Variants in PEX14 observed in about 807,000 individuals in gnomAD.
PEX14 encodes peroxisomal membrane protein PEX14.
Under a neutral mutation model 49.5 loss-of-function variants are expected in PEX14, and 15 were observed. The observed-to-expected ratio is 0.30, with a 90% CI of 0.20 to 0.47. PEX14 has a LOEUF of 0.47. Among genes scored for constraint, PEX14 ranks in the 20% least tolerant of loss-of-function variants. The pLI is 1.00. For missense variants in PEX14, 398 were observed against 494.8 expected (o/e 0.80, Z 1.86); for synonymous variants, 210 against 212.7 (o/e 0.99, Z 0.11).
At chr1:10,581,119 C>T (rs1191682764) in intron 3 of PEX14, among the ~76,000 whole-genome samples, 1 of 151,952 alleles carries the variant, frequency 6.6e-6, no homozygotes, top group Admixed American at 6.6e-5. Flanking sequence ...AGGGTTCAAC[C>T]AGAGAAGCAG....
At chr1:10,537,323 TG>T (rs1031824642) in intron 3 of PEX14, among the ~76,000 whole-genome samples, 3 of 119,548 alleles carry the variant, frequency 2.5e-5, no homozygotes, top group African/African-American at 9.7e-5. Flanking sequence ...GGCTGCTCAC[TG>T]GCTGCATTGT....
At chr1:10,545,248 A>T (rs570947620) in intron 3 of PEX14, among the ~76,000 whole-genome samples, 1 of 152,056 alleles carries the variant, frequency 6.6e-6, no homozygotes, top group African/African-American at 2.4e-5. Context: ...GTTGATGGAC[A>T]TTTGGGTTGT....
At position 10,628,232 on chromosome 1, in the gene PEX14, C is replaced by G. The variant is rs1265430731; in HGVS notation, c.677+869C>G. ...ACAGGTGTGAGCCACTGTGCCTGGA[C>G]TGTTCTGGTTTTTTAAAACTGAAAG... On this transcript the variant is annotated intron_variant, in intron 8 of 8. Coordinates refer to ENST00000356607, the MANE Select transcript of PEX14 (RefSeq NM_004565.3). This position sits in a 1 kb window ranked among gnomAD's most constrained non-coding sequence, Gnocchi z 4.5. Among the ~76,000 whole-genome samples the G allele has an allele frequency of 6.6e-6, 1 of 152,246 alleles. No individual in the cohort carries two copies. Among genetic ancestry groups the G allele is most frequent in the Non-Finnish European group, 1.5e-5 (1 of 68,048 alleles).
chr1:10,583,196 G>A (rs1373770833), intron 3 of PEX14, among the ~76,000 whole-genome samples: 1 of 151,488 alleles, frequency 6.6e-6, no homozygotes, highest in Non-Finnish European at 1.5e-5. Flanking sequence ...TTACATATTG[G>A]GGTTTCCGTT....
Position 10,514,989 on chromosome 1 carries a change from C to T in PEX14, c.84+19668C>T, listed in dbSNP as rs544380288. ...GGGCAAATGCTTGCCACTCCCCTGC[C>T]GCCTGCCCCTGTGTAGGTGGGAAGA... On this transcript the variant is annotated intron_variant, in intron 2 of 8. Transcript: ENST00000356607. This position sits in a 1 kb window ranked among gnomAD's most constrained non-coding sequence, Gnocchi z 4.4. Among the ~76,000 whole-genome samples the T allele has an allele frequency of 6.6e-6, 1 of 152,260 alleles. No individual in the cohort carries two copies. The highest frequency in any genetic ancestry group is 1.9e-4 in the East Asian group (1 of 5,152).
chr1:10,604,530 G>T (rs990202702), intron 4 of PEX14, among the ~76,000 whole-genome samples: 3 of 152,104 alleles, frequency 2.0e-5, no homozygotes, highest in Non-Finnish European at 4.4e-5. Context: ...AGGATTGCTT[G>T]AGCCCAGGAG....
At position 10,573,965 on chromosome 1, in the gene PEX14, G is replaced by A. The variant is rs150384468; in HGVS notation, c.170-25273G>A. ...AAAGTACAAAAATTAACTGGGTGTT[G>A]TGGTGCATACCTGTAATTCCCTGCT... On this transcript the variant is annotated intron_variant, in intron 3 of 8. Coordinates refer to ENST00000356607, the MANE Select transcript of PEX14 (RefSeq NM_004565.3). 6.9e-3 allele frequency among the ~76,000 whole-genome samples: 1,055 copies of A among 152,318 alleles called. 17 individuals are homozygous for A. Among genetic ancestry groups the A allele is most frequent in the African/African-American group, 0.024 (1,010 of 41,564 alleles).
chr1:10,518,387 C>G (rs1023797171), intron 2 of PEX14, among the ~76,000 whole-genome samples: 2 of 152,144 alleles, frequency 1.3e-5, no homozygotes, highest in Admixed American at 6.6e-5. Flanking sequence ...CCAGGGGGAA[C>G]CTCCTCTCTG....
chr1:10,593,470 G>A (rs1185171968), intron 3 of PEX14, among the ~76,000 whole-genome samples: 1 of 152,036 alleles, frequency 6.6e-6, no homozygotes, highest in Admixed American at 6.6e-5. Flanking sequence ...TCTTGTTCTT[G>A]AATTTACATA....
intron 3 of PEX14, among the ~76,000 whole-genome samples, chr1:10,587,895 CTTTT>C (rs762006360): frequency 0.019 from 1,048 of 54,456 alleles, 20 homozygotes; most frequent in African/African-American, 0.042. Flanking sequence ...CACACATGTG[CTTTT>C]TTTTTTTTTT....
chr1:10,612,490 G>A (rs1641301187), intron 4 of PEX14, among the ~76,000 whole-genome samples: 1 of 152,160 alleles, frequency 6.6e-6, no homozygotes, highest in Non-Finnish European at 1.5e-5. Flanking sequence ...TGTAAATACA[G>A]GCTTTGCATT....
chr1:10,621,207 GAA>G (rs1470125292), intron 5 of PEX14, among the ~76,000 whole-genome samples: 1 of 147,512 alleles, frequency 6.8e-6, no homozygotes, highest in Non-Finnish European at 1.5e-5. Flanking sequence ...AAAAAAAAAA[GAA>G]ATGGTAAAAA....
intron 2 of PEX14, among the ~76,000 whole-genome samples, chr1:10,500,537 G>T (rs1641658544): frequency 1.3e-5 from 2 of 152,104 alleles, no homozygotes; most frequent in South Asian, 4.1e-4. Context: ...TTGTCGGCAG[G>T]TTCACTGTGG....
intron 2 of PEX14, among the ~76,000 whole-genome samples, chr1:10,497,974 C>T (rs754443242): frequency 6.6e-6 from 1 of 152,076 alleles, no homozygotes; most frequent in Non-Finnish European, 1.5e-5. Context: ...ATAATTTTTC[C>T]CCTTATTAAA....
At chr1:10,524,574 A>G (rs973523464) in intron 2 of PEX14, 1 of 172,862 alleles carries the variant, frequency 5.8e-6, no homozygotes, top group South Asian at 1.9e-4. Context: ...AGGGCATCAG[A>G]TATAGGGCAT....
intron 1 of PEX14, among the ~76,000 whole-genome samples, chr1:10,477,129 G>A (rs1641209277): frequency 6.6e-6 from 1 of 151,190 alleles, no homozygotes; most frequent in African/African-American, 2.4e-5. Flanking sequence ...GGAGTGCAGT[G>A]GCGCGATCTC....
chr1:10,537,921 T>C (rs938891558), intron 3 of PEX14, among the ~76,000 whole-genome samples: 3 of 31,692 alleles, frequency 9.5e-5, no homozygotes, highest in African/African-American at 4.5e-4. Flanking sequence ...TAATAATTAC[T>C]GTAGAGAGAA....
intron 2 of PEX14, among the ~76,000 whole-genome samples, chr1:10,517,681 G>T (rs1641994813): frequency 7.3e-6 from 1 of 136,456 alleles, no homozygotes; most frequent in Non-Finnish European, 1.6e-5. Flanking sequence ...ATGGGAAGCA[G>T]AACCTGTGAT....
intron 1 of PEX14, among the ~76,000 whole-genome samples, chr1:10,493,520 C>T (rs1641506179): frequency 6.6e-6 from 1 of 152,114 alleles, no homozygotes; most frequent in Admixed American, 6.6e-5. Context: ...CTTGAATTTA[C>T]AGGCTCAAGG....
Sources: allele counts gnomAD v4.1 joint callset (sites outside exome capture counted in the v4.1 genomes callset), GRCh38; gene constraint gnomAD v4.1.1; non-coding constraint Gnocchi (gnomAD v3.1); transcripts MANE v1.5; gene names NCBI Gene and HGNC (gene_info 2026-07-23, HGNC 2026-07-21).